Variants in ARHGEF11 observed in about 807,000 individuals in gnomAD.
ARHGEF11 encodes Rho guanine nucleotide exchange factor 11.
ARHGEF11 carries 55 observed loss-of-function variants against 193.7 expected under a neutral mutation model. The observed-to-expected ratio is 0.28, with a 90% CI of 0.23 to 0.36. The LOEUF (loss-of-function observed/expected upper bound fraction) is 0.36. Ranked by LOEUF, ARHGEF11 falls within the 10% of genes least tolerant of loss-of-function variation. The pLI is 1.00. For missense variants in ARHGEF11, 1,723 were observed against 2,005.6 expected, an observed-to-expected ratio of 0.86 and a Z score of 2.69; for synonymous variants, 693 against 768.0, an observed-to-expected ratio of 0.90 and a Z score of 1.62.
intron 1 of ARHGEF11, among the ~76,000 whole-genome samples, chr1:157,008,450 AC>A (rs1668156462): frequency 6.6e-6 from 1 of 152,004 alleles, no homozygotes; most frequent in Non-Finnish European, 1.5e-5. Context: ...CTATGTGAGC[AC>A]ACGGTGAGAA....
rs1446455730 is a variant in ARHGEF11 at position 156,947,964 on chromosome 1, A to C, written c.2154-8T>G. On this transcript the variant is annotated splice_polypyrimidine_tract_variant and splice_region_variant and intron_variant, in intron 24 of 40. Transcript: ENST00000368194. ...CTGGGGGACTCAATGCTCCTGGGGGAAAACAGGCAGCTCAGCTTCATTTAG... is the reference window on the plus strand; with the variant it reads ...CTGGGGGACTCAATGCTCCTGGGGGCAAACAGGCAGCTCAGCTTCATTTAG... 6.2e-7 allele frequency: 1 copy of C among 1,611,096 alleles called. No individual in the cohort carries two copies. Among genetic ancestry groups the C allele is most frequent in the East Asian group, 2.2e-5 (1 of 44,792 alleles).
chr1:156,965,336 T>C (rs1029892098), intron 11 of ARHGEF11, among the ~76,000 whole-genome samples: 7 of 152,080 alleles, frequency 4.6e-5, no homozygotes, highest in Non-Finnish European at 7.4e-5. Context: ...GATAGGGGTA[T>C]AGAGAGGGCA....
At chr1:157,007,026 G>A (rs553818481) in intron 1 of ARHGEF11, among the ~76,000 whole-genome samples, 2 of 152,258 alleles carry the variant, frequency 1.3e-5, no homozygotes, top group East Asian at 1.9e-4. Flanking sequence ...AGGGGGAGGC[G>A]GCAGAGGTAC....
intron 1 of ARHGEF11, among the ~76,000 whole-genome samples, chr1:157,006,359 C>T (rs1667816538): frequency 6.6e-6 from 1 of 152,266 alleles, no homozygotes; most frequent in East Asian, 1.9e-4. Context: ...GGCTAAGAAT[C>T]GGAGGGCCAG....
rs190297928 is a variant in ARHGEF11 at position 156,986,147 on chromosome 1, T to C, written c.59A>G (p.Asp20Gly). 1 of 1,613,742 alleles carries C rather than the reference T, an allele frequency of 6.2e-7. No homozygotes were observed. Residue 20 changes from aspartate (D) to glycine (G), a missense_variant, in exon 2 of 41, where the codon GAT becomes GGT. Transcript: ENST00000368194. ...AGGGGACTTGCGCTCTGGTGCAGAA[T>C]CTCCCAGAGAAGACAGGCTACTTAA... Reference protein sequence around the residue: ...DRLSSLSSLGDSAPERKSPSH... With the variant: ...DRLSSLSSLGGSAPERKSPSH...
intron 1 of ARHGEF11, among the ~76,000 whole-genome samples, chr1:157,020,643 A>G (rs958581992): frequency 2.6e-5 from 4 of 152,274 alleles, no homozygotes; most frequent in Non-Finnish European, 5.9e-5. Flanking sequence ...CAACACAAAT[A>G]ATCAGCAAAG....
intron 7 of ARHGEF11, 106 bp downstream of exon 7, chr1:156,976,877 T>G: frequency 9.8e-7 from 1 of 1,015,466 alleles, no homozygotes; most frequent in Non-Finnish European, 1.5e-6. Flanking sequence ...GGTTTTACTG[T>G]GATAGGATAT....
chr1:156,945,947 CA>C, intron 29 of ARHGEF11, 97 bp downstream of exon 29: 1 of 945,510 alleles, frequency 1.1e-6, no homozygotes, highest in Non-Finnish European at 1.6e-6. Flanking sequence ...CCAAAGACCA[CA>C]AGGCACAGTG....
At chr1:156,973,918 T>C (rs1448692045) in intron 7 of ARHGEF11, among the ~76,000 whole-genome samples, 1 of 152,170 alleles carries the variant, frequency 6.6e-6, no homozygotes, top group Non-Finnish European at 1.5e-5. Context: ...AACACACTTC[T>C]CCAAAGAACA....
chr1:157,035,406 T>C (rs1371437740), intron 1 of ARHGEF11, among the ~76,000 whole-genome samples: 2 of 151,880 alleles, frequency 1.3e-5, no homozygotes, highest in Non-Finnish European at 2.9e-5. Flanking sequence ...AAATGCTTTT[T>C]TTTTTTTTTC....
chr1:156,940,489 T>C (rs1321653939), intron 35 of ARHGEF11, 64 bp from the exon 36 acceptor site: 10 of 1,455,068 alleles, frequency 6.9e-6, no homozygotes, highest in Middle Eastern at 3.6e-4. Context: ...GGAGAGCCTA[T>C]GGGCAGCTTT....
intron 1 of ARHGEF11, among the ~76,000 whole-genome samples, chr1:156,992,613 GTGTA>G (rs1183703867): frequency 2.1e-5 from 3 of 144,960 alleles, no homozygotes; most frequent in East Asian, 2.4e-4. Flanking sequence ...ATGTGTGTGT[GTGTA>G]TATATATATA....
intron 1 of ARHGEF11, among the ~76,000 whole-genome samples, chr1:157,030,450 G>A (rs756133624): frequency 6.6e-6 from 1 of 152,094 alleles, no homozygotes; most frequent in Non-Finnish European, 1.5e-5. Flanking sequence ...CAAACCTCAG[G>A]TCCTAAAGGG....
At chr1:157,036,963 T>TA (rs1258975246) in intron 1 of ARHGEF11, among the ~76,000 whole-genome samples, 5 of 151,814 alleles carry the variant, frequency 3.3e-5, no homozygotes, top group African/African-American at 1.2e-4. Flanking sequence ...CCGTCTCTAC[T>TA]AAAAAATATA....
chr1:157,039,057 C>T (rs995788161), intron 1 of ARHGEF11, among the ~76,000 whole-genome samples: 2 of 152,144 alleles, frequency 1.3e-5, no homozygotes, highest in South Asian at 2.1e-4. Context: ...AAATCCTATT[C>T]CAATTCTATT....
At chr1:156,983,214 T>TTTTTTTG (rs375997613) in intron 3 of ARHGEF11, among the ~76,000 whole-genome samples, 6 of 152,122 alleles carry the variant, frequency 3.9e-5, no homozygotes, top group African/African-American at 1.2e-4. Flanking sequence ...GCCTTTCTTT[T>TTTTTTTG]TTTTTTGTTT....
At chr1:156,944,149 C>T (rs773675515) in intron 31 of ARHGEF11, 47 bp from the exon 32 acceptor site, 38 of 1,593,446 alleles carry the variant, frequency 2.4e-5, no homozygotes, top group Non-Finnish European at 4.3e-6. Flanking sequence ...GCCTACTCAT[C>T]CCTCATGAGC....
intron 4 of ARHGEF11, 58 bp from the exon 5 acceptor site, chr1:156,979,344 G>GT: frequency 1.0e-6 from 1 of 995,184 alleles, no homozygotes; most frequent in Non-Finnish European, 1.5e-6. Flanking sequence ...GGATCCTTCT[G>GT]TAAGTTCAAA....
chr1:156,960,352 G>A (rs1279534265), intron 15 of ARHGEF11, 66 bp downstream of exon 15: 40 of 1,504,830 alleles, frequency 2.7e-5, no homozygotes, highest in Non-Finnish European at 3.4e-5. Context: ...GTCCTCTGGA[G>A]CCTCCTGAGA....
Sources: gnomAD v4.1 joint callset for allele counts (sites outside exome capture counted in the v4.1 genomes callset) on GRCh38, gnomAD v4.1.1 for gene constraint, MANE v1.5 for transcripts, NCBI Gene and HGNC (gene_info 2026-07-23, HGNC 2026-07-21) for gene names.